The following ARPC1A variants were observed in gnomAD, a reference collection of about 807,000 sequenced individuals.
ARPC1A encodes actin related protein 2/3 complex subunit 1A.
In ARPC1A, 8 loss-of-function variants were observed where a neutral mutation model predicts 46.9. That is an observed-to-expected ratio of 0.17 (90% confidence interval 0.10 to 0.31). The LOEUF (loss-of-function observed/expected upper bound fraction) is 0.31. ARPC1A is among the 10% of genes least tolerant of loss of function. The pLI is 1.00. For synonymous variants in ARPC1A, 152 were observed against 169.0 expected, an observed-to-expected ratio of 0.90 and a Z score of 0.78; for missense variants, 286 against 483.6, an observed-to-expected ratio of 0.59 and a Z score of 3.83.
intron 3 of ARPC1A, among the ~76,000 whole-genome samples, chr7:99,339,247 A>G (rs1007851944): frequency 6.6e-6 from 1 of 152,154 alleles, no homozygotes; most frequent in Non-Finnish European, 1.5e-5. Context: ...ACATACATAC[A>G]TATTCATAAA....
chr7:99,338,260 C>G lies in ARPC1A; in HGVS notation c.144C>G (p.Leu48=). The change falls in exon 3 of 10, where the codon CTC becomes CTG. Residue 48 remains leucine, a synonymous_variant. Coordinates refer to ENST00000262942, the MANE Select transcript of ARPC1A (RefSeq NM_006409.4). ...NGSQWVKAHE[L]KEHNGHITGI... ...GCCAGTGGGTGAAAGCTCATGAACTCAAGGAGCACAACGGACACATCACAG... is the reference window on the plus strand; with the variant it reads ...GCCAGTGGGTGAAAGCTCATGAACTGAAGGAGCACAACGGACACATCACAG... 6.2e-7 allele frequency: 1 copy of G among 1,610,144 alleles called. No individual in the cohort carries two copies. The highest frequency in any genetic ancestry group is 8.5e-7 in the Non-Finnish European group (1 of 1,177,384).
At chr7:99,342,401 C>T (rs1291019893) in intron 3 of ARPC1A, among the ~76,000 whole-genome samples, 3 of 151,834 alleles carry the variant, frequency 2.0e-5, no homozygotes, top group African/African-American at 4.8e-5. Context: ...AAAAATTAGC[C>T]AGGCATGGTG....
chr7:99,351,187 C>A (rs1793538208), intron 5 of ARPC1A, among the ~76,000 whole-genome samples: 1 of 152,072 alleles, frequency 6.6e-6, no homozygotes, highest in Non-Finnish European at 1.5e-5. Flanking sequence ...CACCTGGATT[C>A]TTTGATGGTT....
At chr7:99,352,677 G>A (rs1490155126) in intron 5 of ARPC1A, among the ~76,000 whole-genome samples, 1 of 149,776 alleles carries the variant, frequency 6.7e-6, no homozygotes, top group Non-Finnish European at 1.5e-5. Context: ...AAAAGTTGGA[G>A]CGGGGGATCA....
intron 6 of ARPC1A, among the ~76,000 whole-genome samples, chr7:99,357,468 GCAC>G (rs1028465747): frequency 6.6e-6 from 1 of 151,354 alleles, no homozygotes; most frequent in Non-Finnish European, 1.5e-5. Flanking sequence ...CCACAGACGT[GCAC>G]CACCACTCTA....
rs139332328 is a variant in ARPC1A, at chr7:99,353,693, G to A, written c.501-216G>A. 7.5e-3 allele frequency among the ~76,000 whole-genome samples: 1,127 copies of A among 150,020 alleles called. 13 individuals are homozygous for A. Among genetic ancestry groups the A allele is most frequent in the African/African-American group, 0.027 (1,094 of 40,694 alleles). ...GGGGTTTCTCCATGTTGGTCAGGCTGGTCTCGAACTCCCGACCTCAGGTGA... is the reference window on the plus strand; with the variant it reads ...GGGGTTTCTCCATGTTGGTCAGGCTAGTCTCGAACTCCCGACCTCAGGTGA... On this transcript the variant is annotated intron_variant, in intron 5 of 9. Coordinates refer to ENST00000262942, the MANE Select transcript of ARPC1A (RefSeq NM_006409.4).
chr7:99,343,230 C>A (rs1793385078), intron 3 of ARPC1A, among the ~76,000 whole-genome samples: 1 of 151,990 alleles, frequency 6.6e-6, no homozygotes, highest in South Asian at 2.1e-4. Context: ...ACTTTGGAGG[C>A]TGAGACAGGC....
At chr7:99,342,632 T>C (rs1038342396) in intron 3 of ARPC1A, among the ~76,000 whole-genome samples, 4 of 151,890 alleles carry the variant, frequency 2.6e-5, no homozygotes, top group Non-Finnish European at 4.4e-5. Context: ...CACATTCTCA[T>C]ATTTTCTTCC....
intron 3 of ARPC1A, among the ~76,000 whole-genome samples, chr7:99,343,580 A>G (rs1371223535): frequency 6.6e-6 from 1 of 152,206 alleles, no homozygotes; most frequent in African/African-American, 2.4e-5. Flanking sequence ...TTGGTATATG[A>G]AAAACTGACC....
chr7:99,352,426 G>T (rs1793558785), intron 5 of ARPC1A, among the ~76,000 whole-genome samples: 1 of 152,078 alleles, frequency 6.6e-6, no homozygotes, highest in Non-Finnish European at 1.5e-5. Context: ...GGAGGCTGAG[G>T]CAGGAGTATT....
At chr7:99,328,418 T>C (rs143931909) in intron 1 of ARPC1A, among the ~76,000 whole-genome samples, 1 of 152,228 alleles carries the variant, frequency 6.6e-6, no homozygotes, top group South Asian at 2.1e-4. Context: ...CCTGCTGGCA[T>C]GTATTTCAGG....
Position 99,333,751 on chromosome 7 carries a change from G to C in ARPC1A, c.64+334G>C, listed in dbSNP as rs143989757. Among the ~76,000 whole-genome samples, 336 of 152,244 alleles carry C rather than the reference G, an allele frequency of 2.2e-3. 1 individual carries two copies. Among genetic ancestry groups the C allele is most frequent in the African/African-American group, 7.9e-3 (330 of 41,528 alleles). ...TTACTATGTTATTCTTAGTCAGCTTGAGTTTCTAGTTTTCTAGCTCCAGCA... is the reference window on the plus strand; with the variant it reads ...TTACTATGTTATTCTTAGTCAGCTTCAGTTTCTAGTTTTCTAGCTCCAGCA... On this transcript the variant is annotated intron_variant, in intron 2 of 9. Transcript: ENST00000262942.
chr7:99,346,925 G>T lies in ARPC1A; in HGVS notation c.393-1927G>T, dbSNP rs1258893295. 2.0e-5 allele frequency among the ~76,000 whole-genome samples: 3 copies of T among 152,138 alleles called. No homozygotes were observed. The East Asian group carries it at 5.8e-4, about 29-fold the overall frequency. On this transcript the variant is annotated intron_variant, in intron 4 of 9. Transcript: ENST00000262942. The stretch of plus-strand genomic sequence containing the variant: ...ACCAGGGAGGTAGAGGTTGCAATGA[G>T]CCGAGACCATGCCACTGCACTCCAG...
chr7:99,351,833 AG>A (rs1295495950), intron 5 of ARPC1A, among the ~76,000 whole-genome samples: 1 of 152,144 alleles, frequency 6.6e-6, no homozygotes, highest in Admixed American at 6.6e-5. Context: ...GGAGGGCGAA[AG>A]GGCCCTAAAG....
chr7:99,338,506 T>C lies in ARPC1A; in HGVS notation c.169+221T>C, dbSNP rs568116170. 2.0e-5 allele frequency among the ~76,000 whole-genome samples: 3 copies of C among 150,688 alleles called. No homozygotes were observed. In the East Asian group the frequency reaches 5.9e-4, roughly 30 times the overall value. On this transcript the variant is annotated intron_variant, in intron 3 of 9. Transcript: ENST00000262942. ...GTTCAAGTAATTTTCCTGCCTCAGC[T>C]TCCTGAGTAGCTGGGATTACAGGCA...
In ARPC1A at chr7:99,333,326, T is replaced by G; in HGVS notation, c.-28T>G. On this transcript the variant is annotated splice_region_variant and 5_prime_UTR_variant, in exon 2 of 10. Coordinates refer to ENST00000262942, the MANE Select transcript of ARPC1A (RefSeq NM_006409.4). ...GCTTTTTGTTATTGTTCATTGCAGC[T>G]TTCTCTCCTTTGAAAACACTAAGAA... 1 of 1,598,518 alleles carries G rather than the reference T, an allele frequency of 6.3e-7. No individual in the cohort carries two copies.
intron 1 of ARPC1A, among the ~76,000 whole-genome samples, chr7:99,329,194 G>A (rs1237190742): frequency 6.6e-6 from 1 of 151,648 alleles, no homozygotes; most frequent in African/African-American, 2.4e-5. Flanking sequence ...CCAGCTACTC[G>A]GGAGGCTGAG....
chr7:99,329,943 A>G (rs1793117267), intron 1 of ARPC1A, among the ~76,000 whole-genome samples: 1 of 152,214 alleles, frequency 6.6e-6, no homozygotes, highest in African/African-American at 2.4e-5. Flanking sequence ...TTAAGGAGTT[A>G]TAACAGCATG....
chr7:99,361,476 A>G (rs1793739221), intron 8 of ARPC1A, among the ~76,000 whole-genome samples: 1 of 151,966 alleles, frequency 6.6e-6, no homozygotes, highest in Non-Finnish European at 1.5e-5. Context: ...AAAAAAAAAA[A>G]AAAGAACCTG....
Sources: allele counts gnomAD v4.1 joint callset (sites outside exome capture counted in the v4.1 genomes callset), GRCh38; gene constraint gnomAD v4.1.1; transcripts MANE v1.5; gene names NCBI Gene and HGNC (gene_info 2026-07-23, HGNC 2026-07-21).